The following FRMD4A variants were observed in gnomAD, a reference collection of about 807,000 sequenced individuals.
FRMD4A encodes FERM domain-containing protein 4A.
Under a neutral mutation model 129.1 loss-of-function variants are expected in FRMD4A, and 29 were observed. The observed-to-expected ratio is 0.22, with a 90% CI of 0.17 to 0.31. FRMD4A has a LOEUF of 0.31. Ranked by LOEUF, FRMD4A falls within the 10% of genes least tolerant of loss-of-function variation. FRMD4A has a pLI of 1.00. For synonymous variants in FRMD4A, 634 were observed against 571.6 expected (o/e 1.11, Z -1.56); for missense variants, 1,272 against 1,375.8 (o/e 0.92, Z 1.19).
At chr10:14,096,671 G>C (rs1021392925) in intron 2 of FRMD4A, among the ~76,000 whole-genome samples, 1 of 152,166 alleles carries the variant, frequency 6.6e-6, no homozygotes, top group African/African-American at 2.4e-5. Flanking sequence ...ACTTTGCTTG[G>C]CCATGAAAAT....
At chr10:13,923,850 T>C (rs1362624846) in intron 2 of FRMD4A, among the ~76,000 whole-genome samples, 1 of 152,114 alleles carries the variant, frequency 6.6e-6, no homozygotes, top group African/African-American at 2.4e-5. Flanking sequence ...TGGGGAGGAA[T>C]GGAGAGGTGA....
chr10:13,953,482 C>T (rs1312928292), intron 2 of FRMD4A, among the ~76,000 whole-genome samples: 1 of 152,176 alleles, frequency 6.6e-6, no homozygotes, highest in African/African-American at 2.4e-5. Flanking sequence ...GCATGTCATT[C>T]TGAATAGTGT....
At chr10:13,928,992 A>T (rs1319297288) in intron 2 of FRMD4A, among the ~76,000 whole-genome samples, 1 of 152,200 alleles carries the variant, frequency 6.6e-6, no homozygotes, top group Non-Finnish European at 1.5e-5. Context: ...GCATATTAGA[A>T]ATTGATCTGA....
At chr10:14,160,992 T>C (rs1240814116) in intron 2 of FRMD4A, among the ~76,000 whole-genome samples, 1 of 152,202 alleles carries the variant, frequency 6.6e-6, no homozygotes, top group East Asian at 1.9e-4. Context: ...TTCACTCTTG[T>C]CGCCCAGGCT....
intron 2 of FRMD4A, among the ~76,000 whole-genome samples, chr10:14,027,422 C>A (rs1159211707): frequency 6.6e-6 from 1 of 152,204 alleles, no homozygotes; most frequent in Admixed American, 6.5e-5. Context: ...GGGTGGACAG[C>A]CTGACCAATA....
intron 2 of FRMD4A, among the ~76,000 whole-genome samples, chr10:14,180,345 C>T: frequency 6.6e-6 from 1 of 152,164 alleles, no homozygotes; most frequent in Non-Finnish European, 1.5e-5. Context: ...TTTTGTTATC[C>T]ATGCAATTTG....
chr10:14,023,388 A>C (rs1324522843), intron 2 of FRMD4A, among the ~76,000 whole-genome samples: 1 of 152,170 alleles, frequency 6.6e-6, no homozygotes, highest in African/African-American at 2.4e-5. Context: ...CATTCCCTGA[A>C]AGGTTCCTGA....
chr10:13,796,972 G>A (rs189428352), intron 4 of FRMD4A, among the ~76,000 whole-genome samples: 8 of 152,160 alleles, frequency 5.3e-5, no homozygotes, highest in African/African-American at 1.2e-4. Flanking sequence ...CGCCCACCTC[G>A]GCCTCCCAAA....
At chr10:13,970,625 T>A (rs971516850) in intron 2 of FRMD4A, among the ~76,000 whole-genome samples, 1 of 151,774 alleles carries the variant, frequency 6.6e-6, no homozygotes, top group African/African-American at 2.4e-5. Context: ...CAAACACCCG[T>A]GAGAGGAGGA....
chr10:14,167,717 C>G (rs1841262641), intron 2 of FRMD4A, among the ~76,000 whole-genome samples: 1 of 151,992 alleles, frequency 6.6e-6, no homozygotes, highest in Non-Finnish European at 1.5e-5. Flanking sequence ...CCTGGGGCTT[C>G]AGAGATTTCC....
chr10:13,946,371 G>A (rs547202097), intron 2 of FRMD4A, among the ~76,000 whole-genome samples: 12 of 152,302 alleles, frequency 7.9e-5, no homozygotes, highest in Admixed American at 5.9e-4. Flanking sequence ...CCAAGTCAGC[G>A]AACGCTAGAG....
At chr10:13,995,847 C>G (rs1185045431) in intron 2 of FRMD4A, among the ~76,000 whole-genome samples, 1 of 151,024 alleles carries the variant, frequency 6.6e-6, no homozygotes, top group African/African-American at 2.4e-5. Context: ...TAATGAGCTC[C>G]TCTCCCTAAA....
intron 2 of FRMD4A, among the ~76,000 whole-genome samples, chr10:14,126,567 GCTGGGGAAACCAGCACC>G (rs146079045): frequency 0.31 from 46,942 of 152,094 alleles, 7,545 homozygotes; most frequent in East Asian, 0.52. Context: ...ACCAGCAGCA[GCTGGGGAAACCAGCACC>G]CTGCTAACCT....
chr10:13,993,731 C>A (rs1239847258), intron 2 of FRMD4A, among the ~76,000 whole-genome samples: 1 of 152,086 alleles, frequency 6.6e-6, no homozygotes, highest in East Asian at 1.9e-4. Context: ...GGTAATAAAA[C>A]CATGTTCTCA....
chr10:13,922,184 A>G (rs2095080778), intron 2 of FRMD4A, among the ~76,000 whole-genome samples: 1 of 152,206 alleles, frequency 6.6e-6, no homozygotes, highest in Non-Finnish European at 1.5e-5. Flanking sequence ...AGTGAGAAAT[A>G]AATGTCTGTT....
At position 13,656,891 on chromosome 10, in the gene FRMD4A, G is replaced by T. The variant is rs567836189; in HGVS notation, c.2698C>A (p.Arg900=). The T allele has an allele frequency of 2.0e-6, 3 of 1,479,354 alleles. No individual in the cohort carries two copies. The African/African-American group carries it at 4.4e-5, about 21-fold the overall frequency. 91.6% of individuals were successfully genotyped at this position (1,479,354 alleles called of 1,614,324 possible). ...GACGGAGTCCGCAGGATCTGCGATC[G>T]CGACGGCGTCAGGCGGCCCGTGTCG... ...EGDTGRLTPS[R]SQILRTPSLG... The change falls in exon 22 of 25, where the codon CGA becomes AGA. Residue 900 remains arginine (R), a synonymous_variant. Transcript: ENST00000357447.
intron 12 of FRMD4A, among the ~76,000 whole-genome samples, chr10:13,718,126 T>G (rs1051054231): frequency 2.6e-5 from 4 of 151,922 alleles, no homozygotes; most frequent in African/African-American, 9.7e-5. Flanking sequence ...GTCCCAGCGC[T>G]GCTGTCTGGC....
chr10:13,770,609 A>G (rs1231287855), intron 6 of FRMD4A, among the ~76,000 whole-genome samples: 1 of 151,562 alleles, frequency 6.6e-6, no homozygotes, highest in Non-Finnish European at 1.5e-5. Context: ...GTGCTTAGCT[A>G]ATTTTAGTTT....
At chr10:13,881,990 GGTGTGTGTGTGTGTGTGTGTGTGTGT>G (rs71388128) in intron 2 of FRMD4A, among the ~76,000 whole-genome samples, 5 of 15,582 alleles carry the variant, frequency 3.2e-4, no homozygotes, top group African/African-American at 4.0e-4. Context: ...GAGAGGCAAG[GGTGTGTGTGTGTGTGTGTGTGTGTGT>G]GTGTGTGTGT....
Sources: allele counts gnomAD v4.1 joint callset (sites outside exome capture counted in the v4.1 genomes callset), GRCh38; gene constraint gnomAD v4.1.1; transcripts MANE v1.5; gene names NCBI Gene and HGNC (gene_info 2026-07-23, HGNC 2026-07-21).